The following SIM1 variants were observed in gnomAD, a reference collection of about 807,000 sequenced individuals.
SIM1 encodes the protein single-minded homolog 1.
Under a neutral mutation model 78.2 loss-of-function variants are expected in SIM1, and 18 were observed. The observed-to-expected ratio is 0.23, with a 90% confidence interval of 0.16 to 0.34. The LOEUF (loss-of-function observed/expected upper bound fraction) is 0.34. Ranked by LOEUF, SIM1 falls within the 10% of genes least tolerant of loss-of-function variation. SIM1 has a pLI of 1.00. For missense variants in SIM1, 939 were observed against 975.1 expected, an observed-to-expected ratio of 0.96 and a Z score of 0.49; for synonymous variants, 417 against 385.2, an observed-to-expected ratio of 1.08 and a Z score of -0.97.
At position 100,388,019 on chromosome 6, in the gene SIM1, A is replaced by C. The variant is rs1770552014; in HGVS notation, c.*2342T>G. On this transcript the variant is annotated 3_prime_UTR_variant, in exon 12 of 12. Transcript: ENST00000369208. ...TTTTCTTCCAAACATCTATCAATCT[A>C]CAGAATTCTACAAAACCTTTAGCAT... 1 of 152,170 alleles carries C rather than the reference A, an allele frequency of 6.6e-6. No homozygotes were observed. The highest frequency in any genetic ancestry group is 2.4e-5 in the African/African-American group (1 of 41,456). 9.4% of individuals were successfully genotyped at this position (152,170 alleles called of 1,614,324 possible).
intron 9 of SIM1, among the ~76,000 whole-genome samples, chr6:100,446,851 T>C (rs1237972640): frequency 6.6e-6 from 1 of 152,180 alleles, no homozygotes; most frequent in Admixed American, 6.5e-5. Context: ...GAGACTCTGG[T>C]TAAAATTAAG....
At chr6:100,446,436 G>A (rs757823200) in intron 9 of SIM1, among the ~76,000 whole-genome samples, 5 of 152,150 alleles carry the variant, frequency 3.3e-5, no homozygotes, top group African/African-American at 7.2e-5. Context: ...GAGCGCAACA[G>A]CACACACAAG....
intron 9 of SIM1, among the ~76,000 whole-genome samples, chr6:100,446,929 C>T (rs1316762161): frequency 1.3e-5 from 2 of 152,208 alleles, no homozygotes; most frequent in Admixed American, 1.3e-4. Flanking sequence ...TGCCTCCGTA[C>T]TTAGATCCTT....
chr6:100,440,093 A>G (rs1002646141), intron 9 of SIM1, among the ~76,000 whole-genome samples: 2 of 152,238 alleles, frequency 1.3e-5, no homozygotes, highest in African/African-American at 4.8e-5. Flanking sequence ...TTGACATTAC[A>G]TAATTGGCAA....
intron 8 of SIM1, 105 bp from the exon 9 acceptor site, chr6:100,447,520 T>C (rs1049732317): frequency 1.6e-6 from 2 of 1,243,628 alleles, no homozygotes; most frequent in African/African-American, 1.5e-5. Context: ...TGGGCCCTAA[T>C]AACTGCACCA....
intron 10 of SIM1, among the ~76,000 whole-genome samples, chr6:100,410,812 A>G (rs1415199952): frequency 6.6e-6 from 1 of 152,184 alleles, no homozygotes; most frequent in Non-Finnish European, 1.5e-5. Context: ...AAAGAACAAT[A>G]AAGAGGCAGA....
chr6:100,442,428 A>G (rs1453018093), intron 9 of SIM1, among the ~76,000 whole-genome samples: 1 of 152,190 alleles, frequency 6.6e-6, no homozygotes, highest in African/African-American at 2.4e-5. Flanking sequence ...TACATGAAAG[A>G]TCATCTGAAA....
At chr6:100,412,740 AAAGAAAGAAAGAAAAAAG>A (rs1170839522) in intron 10 of SIM1, among the ~76,000 whole-genome samples, 1 of 142,430 alleles carries the variant, frequency 7.0e-6, no homozygotes, top group African/African-American at 2.6e-5. Flanking sequence ...AGAAAGAAAG[AAAGAAAGAAAGAAAAAAG>A]AAAAGAAAAA....
chr6:100,396,029 C>T, intron 10 of SIM1: 2 of 936,064 alleles, frequency 2.1e-6, no homozygotes, highest in Non-Finnish European at 2.5e-6. Context: ...GAATAGGAGA[C>T]ATCAAGGCAT....
chr6:100,453,165 T>A (rs1258159056), intron 3 of SIM1, among the ~76,000 whole-genome samples: 2 of 152,202 alleles, frequency 1.3e-5, no homozygotes, highest in Admixed American at 6.5e-5. Flanking sequence ...AATGGGAGCC[T>A]AGCATTGGTT....
At chr6:100,425,602 A>C (rs938307689) in intron 9 of SIM1, among the ~76,000 whole-genome samples, 1 of 152,176 alleles carries the variant, frequency 6.6e-6, no homozygotes, top group African/African-American at 2.4e-5. Context: ...ATTCACTAAG[A>C]ACAAAGCATT....
chr6:100,400,973 T>C (rs1422657302), intron 10 of SIM1, among the ~76,000 whole-genome samples: 1 of 147,234 alleles, frequency 6.8e-6, no homozygotes, highest in Non-Finnish European at 1.5e-5. Context: ...TGCTTTTTAA[T>C]TAGAAGGAAA....
intron 2 of SIM1, among the ~76,000 whole-genome samples, chr6:100,458,862 G>A (rs1228568560): frequency 6.6e-6 from 1 of 152,258 alleles, no homozygotes; most frequent in Non-Finnish European, 1.5e-5. Context: ...AAGAGTAGCA[G>A]GACCATTCCT....
intron 4 of SIM1, 73 bp from the exon 5 acceptor site, chr6:100,449,772 G>A (rs986673210): frequency 3.3e-5 from 41 of 1,235,486 alleles, no homozygotes; most frequent in Admixed American, 1.4e-4. Context: ...ATTAGGCCAG[G>A]GGATCTGCAG....
At chr6:100,453,664 T>TG in intron 3 of SIM1, 98 bp downstream of exon 3, 2 of 936,126 alleles carry the variant, frequency 2.1e-6, no homozygotes, top group Non-Finnish European at 1.6e-6. Context: ...TGTTTGTTTT[T>TG]TTTTTGTTTT....
intron 9 of SIM1, among the ~76,000 whole-genome samples, chr6:100,441,056 C>T (rs1039151031): frequency 6.6e-6 from 1 of 152,160 alleles, no homozygotes; most frequent in Non-Finnish European, 1.5e-5. Flanking sequence ...AGTCAAAGAT[C>T]AAAACCCTTT....
chr6:100,402,083 A>T (rs1469292641), intron 10 of SIM1, among the ~76,000 whole-genome samples: 1 of 152,208 alleles, frequency 6.6e-6, no homozygotes, highest in African/African-American at 2.4e-5. Context: ...GAATCAAATA[A>T]ATAATATGTA....
chr6:100,435,493 G>A lies in SIM1; in HGVS notation c.998+11775C>T, dbSNP rs144401335. On this transcript the variant is annotated intron_variant, in intron 9 of 11. Transcript: ENST00000369208. ...CTCTGGCCTCTCACACAAAGCAGCCGCCCTTCAGATGTGAGTCTGTCTTAC... is the reference window on the plus strand; with the variant it reads ...CTCTGGCCTCTCACACAAAGCAGCCACCCTTCAGATGTGAGTCTGTCTTAC... 9.2e-5 allele frequency among the ~76,000 whole-genome samples: 14 copies of A among 152,156 alleles called. No homozygotes were observed. In the East Asian group the frequency reaches 9.7e-4, roughly 11 times the overall value.
chr6:100,449,331 C>T (rs1772451080), intron 6 of SIM1, 32 bp downstream of exon 6: 1 of 1,591,544 alleles, frequency 6.3e-7, no homozygotes, highest in Non-Finnish European at 8.6e-7. Flanking sequence ...CCTCCTCTGA[C>T]TCCACCCGGA....
Sources: gnomAD v4.1 joint callset for allele counts (sites outside exome capture counted in the v4.1 genomes callset) on GRCh38, gnomAD v4.1.1 for gene constraint, MANE v1.5 for transcripts, NCBI Gene and HGNC (gene_info 2026-07-23, HGNC 2026-07-21) for gene names.